Variants in TMEM120B observed in about 807,000 individuals in gnomAD.
TMEM120B encodes the protein transmembrane protein 120B.
Under a neutral mutation model 55.5 loss-of-function variants are expected in TMEM120B, and 31 were observed. That is an observed-to-expected ratio of 0.56 (90% CI 0.42 to 0.75). The LOEUF is 0.75. Ranked by LOEUF, TMEM120B falls within the 30% of genes least tolerant of loss-of-function variation. The probability of loss-of-function intolerance (pLI) is 0.00; values close to 1 mark genes in which losing one functional copy is unlikely to be tolerated. For missense variants in TMEM120B, 399 were observed against 425.5 expected, an observed-to-expected ratio of 0.94 and a Z score of 0.55; for synonymous variants, 203 against 176.3, an observed-to-expected ratio of 1.15 and a Z score of -1.20.
chr12:121,761,855 C>T, intron 6 of TMEM120B, 117 bp downstream of exon 6: 1 of 750,644 alleles, frequency 1.3e-6, no homozygotes, highest in Non-Finnish European at 2.3e-6. Flanking sequence ...TTGGGGGTTG[C>T]TCTGTGACTG....
intron 5 of TMEM120B, among the ~76,000 whole-genome samples, chr12:121,760,854 G>A (rs922739145): frequency 1.3e-5 from 2 of 152,012 alleles, no homozygotes; most frequent in African/African-American, 2.4e-5. Context: ...CATCACAGAC[G>A]GTAGGGCCCA....
intron 1 of TMEM120B, among the ~76,000 whole-genome samples, chr12:121,735,979 A>G (rs977454389): frequency 4.6e-5 from 7 of 151,824 alleles, no homozygotes; most frequent in African/African-American, 1.7e-4. Flanking sequence ...GCGCCTGGCC[A>G]TATTACCAGA....
At chr12:121,741,606 G>A (rs1272310138) in intron 1 of TMEM120B, among the ~76,000 whole-genome samples, 2 of 152,066 alleles carry the variant, frequency 1.3e-5, no homozygotes, top group Non-Finnish European at 2.9e-5. Flanking sequence ...TGGGATTACA[G>A]GCATGAGCCA....
At chr12:121,730,899 G>A (rs944859635) in intron 1 of TMEM120B, among the ~76,000 whole-genome samples, 14 of 150,942 alleles carry the variant, frequency 9.3e-5, no homozygotes, top group African/African-American at 3.4e-4. Flanking sequence ...CGGAGGTTTC[G>A]GTGAGCCGAG....
chr12:121,714,966 G>C (rs895647854), intron 1 of TMEM120B, among the ~76,000 whole-genome samples: 13 of 152,134 alleles, frequency 8.5e-5, no homozygotes, highest in Admixed American at 7.2e-4. Flanking sequence ...GAGGTTTGCT[G>C]TGTGAAGCTT....
chr12:121,740,829 G>A (rs1872913914), intron 1 of TMEM120B, among the ~76,000 whole-genome samples: 1 of 152,134 alleles, frequency 6.6e-6, no homozygotes, highest in African/African-American at 2.4e-5. Flanking sequence ...GAGGTGTGTT[G>A]CCTGCAACTG....
intron 1 of TMEM120B, among the ~76,000 whole-genome samples, chr12:121,726,221 T>G (rs1894888379): frequency 6.6e-6 from 1 of 152,052 alleles, no homozygotes; most frequent in South Asian, 2.1e-4. Flanking sequence ...TAAAAATCAC[T>G]GAATTATATT....
chr12:121,738,411 C>T (rs1417406126), intron 1 of TMEM120B, among the ~76,000 whole-genome samples: 1 of 152,112 alleles, frequency 6.6e-6, no homozygotes, highest in Non-Finnish European at 1.5e-5. Flanking sequence ...GGTCTTATCT[C>T]TCCATGGCGG....
chr12:121,781,458 G>A lies in TMEM120B; in HGVS notation c.*5736G>A, dbSNP rs1708049182. 3.6e-5 allele frequency: 15 copies of A among 415,294 alleles called. 1 individual carries two copies. The highest frequency in any genetic ancestry group is 3.1e-4 in the South Asian group (13 of 41,668). 25.7% of individuals were successfully genotyped at this position (415,294 alleles called of 1,614,324 possible). On this transcript the variant is annotated 3_prime_UTR_variant, in exon 12 of 12. Coordinates refer to ENST00000449592, the MANE Select transcript of TMEM120B (RefSeq NM_001080825.2). ...TGCACTCCAGCCTGGGTGACAGAGC[G>A]AGACCCTGTCTCTTAACAACAAAAC... is the stretch of plus-strand genomic sequence containing the variant.
chr12:121,751,218 C>T (rs1366533584), intron 4 of TMEM120B, among the ~76,000 whole-genome samples: 1 of 125,930 alleles, frequency 7.9e-6, no homozygotes, highest in Non-Finnish European at 1.7e-5. Context: ...ACACCCCACA[C>T]CCAACACCCC....
In TMEM120B at chr12:121,781,317, G is replaced by A; in HGVS notation, c.*5595G>A. ...CCTCAATTTCCTCATCTATACAATG[G>A]GCAGCAAGCCAGGAGTGCTGGCACA... On this transcript the variant is annotated 3_prime_UTR_variant, in exon 12 of 12. Coordinates refer to ENST00000449592, the MANE Select transcript of TMEM120B (RefSeq NM_001080825.2). 1.3e-6 allele frequency: 1 copy of A among 789,268 alleles called. No homozygotes were observed. The highest frequency in any genetic ancestry group is 1.7e-5 in the South Asian group (1 of 57,862). The allele number at this position is 789,268 out of a possible 1,614,324, so 48.9% of individuals were successfully genotyped here.
Position 121,780,914 on chromosome 12 carries a change from C to T in TMEM120B, c.*5192C>T. 6.2e-7 allele frequency: 1 copy of T among 1,613,946 alleles called. No homozygotes were observed. Among genetic ancestry groups the T allele is most frequent in the Non-Finnish European group, 8.5e-7 (1 of 1,179,952 alleles). ...GCTCCAGCTGGGCGGCCCGGAGCTTCCGCAGCTGCTCCTTGTCCTTCCTCA... is the reference window on the plus strand; with the variant it reads ...GCTCCAGCTGGGCGGCCCGGAGCTTTCGCAGCTGCTCCTTGTCCTTCCTCA... On this transcript the variant is annotated 3_prime_UTR_variant, in exon 12 of 12. Coordinates refer to ENST00000449592, the MANE Select transcript of TMEM120B (RefSeq NM_001080825.2).
intron 1 of TMEM120B, among the ~76,000 whole-genome samples, chr12:121,720,478 G>A (rs1233071509): frequency 6.6e-6 from 1 of 152,172 alleles, no homozygotes. Context: ...GGGAGGCCAA[G>A]ATAGGCAGGT....
At chr12:121,773,644 C>T (rs1173587173) in intron 9 of TMEM120B, 131 bp downstream of exon 9, 3 of 648,938 alleles carry the variant, frequency 4.6e-6, no homozygotes, top group Non-Finnish European at 7.4e-6. Context: ...GAAGCGCCTT[C>T]CAGAATTCAT....
At chr12:121,763,159 T>C (rs1037812590) in intron 6 of TMEM120B, among the ~76,000 whole-genome samples, 525 of 48,180 alleles carry the variant, frequency 0.011, 5 homozygotes, top group African/African-American at 0.025. Context: ...CGGCATGCCT[T>C]TTTTTTTTTT....
intron 6 of TMEM120B, among the ~76,000 whole-genome samples, chr12:121,768,383 G>A (rs1873914682): frequency 1.3e-5 from 2 of 152,164 alleles, no homozygotes; most frequent in South Asian, 4.1e-4. Context: ...CATAACTCCT[G>A]GGGAACACAC....
Position 121,750,425 on chromosome 12 carries a change from C to T in TMEM120B, c.351C>T (p.Leu117=). The part of the protein sequence containing the change: ...LVLGNVNVTL[L]SNQAKFAYKD... ...TCGGCAATGTGAACGTGACCCTCCT[C>T]AGCAACCAGGCCAAGTAAGTGTCCC... The change falls in exon 4 of 12, where the codon CTC becomes CTT. Residue 117 remains leucine, a synonymous_variant. Coordinates refer to ENST00000449592, the MANE Select transcript of TMEM120B (RefSeq NM_001080825.2). 6.2e-7 allele frequency: 1 copy of T among 1,612,422 alleles called. No individual in the cohort carries two copies. Among genetic ancestry groups the T allele is most frequent in the Non-Finnish European group, 8.5e-7 (1 of 1,179,170 alleles).
intron 4 of TMEM120B, among the ~76,000 whole-genome samples, chr12:121,751,556 G>A (rs1030460562): frequency 6.6e-5 from 10 of 151,752 alleles, no homozygotes; most frequent in Non-Finnish European, 1.3e-4. Context: ...CACAGGTGAG[G>A]CGCTGGCTTT....
chr12:121,723,010 G>A (rs1010502668), intron 1 of TMEM120B, among the ~76,000 whole-genome samples: 1 of 151,804 alleles, frequency 6.6e-6, no homozygotes, highest in African/African-American at 2.4e-5. Flanking sequence ...CTCCACACCC[G>A]GCTAATTTTG....
Sources: gnomAD v4.1 joint callset for allele counts (sites outside exome capture counted in the v4.1 genomes callset) on GRCh38, gnomAD v4.1.1 for gene constraint, MANE v1.5 for transcripts, NCBI Gene and HGNC (gene_info 2026-07-23, HGNC 2026-07-21) for gene names.